Variants in MYO16 observed in about 807,000 individuals in gnomAD.
MYO16 encodes the protein unconventional myosin-XVI.
Under a neutral mutation model 205.3 loss-of-function variants are expected in MYO16, and 94 were observed. The ratio of observed to expected loss-of-function variants is 0.46; its 90% CI spans 0.39 to 0.54. MYO16 has a LOEUF of 0.54. Among genes scored for constraint, MYO16 ranks in the 20% least tolerant of loss-of-function variants. The pLI, the probability that MYO16 is intolerant of heterozygous loss-of-function variation, is 0.00. For synonymous variants in MYO16, 988 were observed against 954.0 expected, an observed-to-expected ratio of 1.04 and a Z score of -0.66; for missense variants, 2,315 against 2,387.5, an observed-to-expected ratio of 0.97 and a Z score of 0.63.
chr13:109,091,308 C>A (rs1888615514), intron 27 of MYO16, among the ~76,000 whole-genome samples: 1 of 152,210 alleles, frequency 6.6e-6, no homozygotes, highest in Non-Finnish European at 1.5e-5. Flanking sequence ...TGGAAATATA[C>A]AAAAATAAAT....
intron 4 of MYO16, among the ~76,000 whole-genome samples, chr13:108,736,659 G>A: frequency 6.6e-6 from 1 of 152,298 alleles, no homozygotes; most frequent in Non-Finnish European, 1.5e-5. Flanking sequence ...CTTTAAAGTA[G>A]TTTTTCCCAA....
At chr13:108,672,464 A>G (rs954595251) in intron 2 of MYO16, among the ~76,000 whole-genome samples, 5 of 152,142 alleles carry the variant, frequency 3.3e-5, no homozygotes, top group African/African-American at 1.2e-4. Flanking sequence ...TTCAAAGGAC[A>G]ATATGTCTGT....
intron 1 of MYO16, among the ~76,000 whole-genome samples, chr13:108,646,297 A>C (rs988027020): frequency 2.6e-5 from 4 of 152,192 alleles, no homozygotes; most frequent in African/African-American, 4.8e-5. Context: ...TTTTTAACAC[A>C]TGACCAAAGA....
At chr13:108,581,177 G>A in the MYO16 span, among the ~76,000 whole-genome samples, 15 of 152,012 alleles carry the variant, frequency 9.9e-5, no homozygotes, top group Admixed American at 9.8e-4. Flanking sequence ...AGTGAAAAGC[G>A]ATATAAGAAC....
At chr13:109,105,829 C>G (rs1889108715) in intron 28 of MYO16, among the ~76,000 whole-genome samples, 1 of 152,166 alleles carries the variant, frequency 6.6e-6, no homozygotes, top group African/African-American at 2.4e-5. Context: ...GAACTGGTCA[C>G]CATAAGTTTT....
At chr13:108,606,988 T>C (rs1003338598) in intron 1 of MYO16, among the ~76,000 whole-genome samples, 3 of 152,234 alleles carry the variant, frequency 2.0e-5, no homozygotes, top group African/African-American at 7.2e-5. Flanking sequence ...GTTTAATGAT[T>C]ACCCTGTTGG....
chr13:108,836,015 T>A (rs1475138986), intron 9 of MYO16, among the ~76,000 whole-genome samples: 1 of 151,964 alleles, frequency 6.6e-6, no homozygotes, highest in Non-Finnish European at 1.5e-5. Context: ...ACCAAGACAA[T>A]GGGGAAAATG....
At chr13:108,500,838 T>G in the MYO16 span, among the ~76,000 whole-genome samples, 2 of 152,276 alleles carry the variant, frequency 1.3e-5, no homozygotes, top group South Asian at 4.1e-4. Context: ...TTCTATCATC[T>G]GCAGCATAAA....
chr13:108,617,669 TAG>T (rs1879397135), intron 1 of MYO16, among the ~76,000 whole-genome samples: 1 of 152,060 alleles, frequency 6.6e-6, no homozygotes, highest in East Asian at 1.9e-4. Flanking sequence ...AAGAAATAAA[TAG>T]AGACTAGGAT....
At chr13:108,643,364 T>C (rs919973457) in intron 1 of MYO16, among the ~76,000 whole-genome samples, 1 of 152,214 alleles carries the variant, frequency 6.6e-6, no homozygotes, top group Non-Finnish European at 1.5e-5. Context: ...TGGTGTTCGG[T>C]GGTGTGGATG....
chr13:108,681,238 T>A (rs1882448872), intron 2 of MYO16, among the ~76,000 whole-genome samples: 1 of 152,220 alleles, frequency 6.6e-6, no homozygotes, highest in Non-Finnish European at 1.5e-5. Flanking sequence ...ATCTAATAGT[T>A]ATATTTGATA....
chr13:108,767,636 T>C (rs1307935458), intron 4 of MYO16, among the ~76,000 whole-genome samples: 1 of 152,134 alleles, frequency 6.6e-6, no homozygotes, highest in East Asian at 1.9e-4. Context: ...CCATTGCCAG[T>C]TTTGTTAAAT....
intron 34 of MYO16, among the ~76,000 whole-genome samples, chr13:109,199,192 G>GTATATGTATATATA (rs1555340467): frequency 6.6e-5 from 5 of 75,622 alleles, no homozygotes; most frequent in Non-Finnish European, 1.3e-4. Context: ...AATAAAAAAG[G>GTATATGTATATATA]TATATATATA....
intron 16 of MYO16, among the ~76,000 whole-genome samples, chr13:108,928,698 A>G (rs1355598719): frequency 6.6e-6 from 1 of 152,240 alleles, no homozygotes; most frequent in Admixed American, 6.5e-5. Flanking sequence ...TAAAATAAAA[A>G]TTCATAGAAA....
chr13:108,604,602 G>A (rs987977779), intron 1 of MYO16, among the ~76,000 whole-genome samples: 1 of 152,292 alleles, frequency 6.6e-6, no homozygotes, highest in Non-Finnish European at 1.5e-5. Flanking sequence ...TTGATTTAAA[G>A]TTTTGAATTG....
At chr13:108,906,479 G>A (rs534659990) in intron 15 of MYO16, among the ~76,000 whole-genome samples, 30 of 152,214 alleles carry the variant, frequency 2.0e-4, no homozygotes, top group African/African-American at 6.7e-4. Flanking sequence ...AACTAGAGGT[G>A]TAATAACAGA....
At chr13:109,094,574 G>T (rs1036016781) in intron 27 of MYO16, among the ~76,000 whole-genome samples, 1 of 152,068 alleles carries the variant, frequency 6.6e-6, no homozygotes, top group Non-Finnish European at 1.5e-5. Flanking sequence ...TGTACAAAAC[G>T]TACAGGTTTG....
intron 6 of MYO16, among the ~76,000 whole-genome samples, chr13:108,803,600 G>C (rs1887028006): frequency 6.6e-6 from 1 of 152,116 alleles, no homozygotes; most frequent in Non-Finnish European, 1.5e-5. Flanking sequence ...TTTTTACCCA[G>C]GCCTACATCA....
rs1285880015 is a variant in MYO16 at position 108,823,190 on chromosome 13, A to G, written c.1009A>G (p.Met337Val). ...AGCCGAAATTGCCTGGGAAGAAAAA[A>G]TGAAAGAGCCTTTATCTGCTTCTAC... Reference protein sequence around the residue: ...LKAEIAWEEKMKEPLSASTLA... With the variant: ...LKAEIAWEEKVKEPLSASTLA... Residue 337 changes from methionine to valine, a missense_variant, in exon 9 of 35, where the codon ATG becomes GTG. By Grantham distance (21) the Met-to-Val change is conservative. Coordinates refer to ENST00000457511, the MANE Select transcript of MYO16 (RefSeq NM_001198950.3). 1.2e-6 allele frequency: 2 copies of G among 1,613,152 alleles called. No homozygotes were observed. Among genetic ancestry groups the G allele is most frequent in the Non-Finnish European group, 1.7e-6 (2 of 1,179,542 alleles).
Sources: allele counts gnomAD v4.1 joint callset (sites outside exome capture counted in the v4.1 genomes callset), GRCh38; gene constraint gnomAD v4.1.1; transcripts MANE v1.5; gene names NCBI Gene and HGNC (gene_info 2026-07-23, HGNC 2026-07-21).